Variants in CTNNA2 observed in about 807,000 individuals in gnomAD.
CTNNA2 encodes the protein catenin alpha-2.
Under a neutral mutation model 101.0 loss-of-function variants are expected in CTNNA2, and 42 were observed. That is an observed-to-expected ratio of 0.42 (90% CI 0.32 to 0.54). The LOEUF (loss-of-function observed/expected upper bound fraction) is 0.54, where lower values mean the gene tolerates loss of function less well. CTNNA2 is among the 20% of genes least tolerant of loss of function. The pLI, the probability that CTNNA2 is intolerant of heterozygous loss-of-function variation, is 0.14. For missense variants in CTNNA2, 871 were observed against 1,223.1 expected (o/e 0.71, Z 4.29); for synonymous variants, 450 against 456.4 (o/e 0.99, Z 0.18).
intron 17 of CTNNA2, 32 bp downstream of exon 17, chr2:80,608,350 T>A (rs1488873355): frequency 6.3e-7 from 1 of 1,586,640 alleles, no homozygotes; most frequent in African/African-American, 1.3e-5. Flanking sequence ...CAATGTAAAG[T>A]TCCCACCGTT....
chr2:80,548,715 A>G (rs1052503636), intron 11 of CTNNA2, among the ~76,000 whole-genome samples: 1 of 152,136 alleles, frequency 6.6e-6, no homozygotes, highest in African/African-American at 2.4e-5. Flanking sequence ...ACCTTTCCGC[A>G]GACGGGGTTT....
chr2:79,345,851 C>A (rs1441111878), intron 3 of CTNNA2, among the ~76,000 whole-genome samples: 1 of 144,240 alleles, frequency 6.9e-6, no homozygotes. Flanking sequence ...AGCCATCACG[C>A]CCGGTTGATT....
chr2:80,314,407 A>G (rs1677899448), intron 7 of CTNNA2, among the ~76,000 whole-genome samples: 1 of 152,236 alleles, frequency 6.6e-6, no homozygotes, highest in Non-Finnish European at 1.5e-5. Flanking sequence ...ACAAGAAAGA[A>G]TAGGATGGGG....
intron 2 of CTNNA2, chr2:79,687,575 T>A (rs1684019213): frequency 1.4e-6 from 1 of 707,144 alleles, no homozygotes; most frequent in Non-Finnish European, 2.6e-6. Context: ...GCATTTTTTT[T>A]TCCACCGGAT....
At chr2:79,604,584 C>T (rs1394932200) in intron 1 of CTNNA2, among the ~76,000 whole-genome samples, 1 of 152,144 alleles carries the variant, frequency 6.6e-6, no homozygotes, top group Non-Finnish European at 1.5e-5. Flanking sequence ...TTCAGCAAGT[C>T]CTCCTTTTGT....
intron 2 of CTNNA2, among the ~76,000 whole-genome samples, chr2:79,245,843 C>G (rs1428233464): frequency 6.6e-6 from 1 of 152,182 alleles, no homozygotes; most frequent in African/African-American, 2.4e-5. Flanking sequence ...TCTTGAGACC[C>G]TGTCCCTGTA....
chr2:80,102,006 AT>A (rs886255196), intron 7 of CTNNA2, among the ~76,000 whole-genome samples: 16 of 152,048 alleles, frequency 1.1e-4, no homozygotes, highest in East Asian at 1.9e-4. Context: ...GTTAATTTTA[AT>A]TTTTTTGTGG....
At chr2:79,216,623 G>A (rs558946636) in intron 2 of CTNNA2, among the ~76,000 whole-genome samples, 1 of 151,422 alleles carries the variant, frequency 6.6e-6, no homozygotes, top group African/African-American at 2.4e-5. Flanking sequence ...AGAAGGGGTA[G>A]AGACATGCAG....
At chr2:79,242,755 C>G (rs1180650315) in intron 2 of CTNNA2, among the ~76,000 whole-genome samples, 5 of 151,850 alleles carry the variant, frequency 3.3e-5, no homozygotes. Context: ...ACTGCTTGAG[C>G]CCAGAAGTTT....
chr2:79,566,505 A>G (rs1675123485), intron 1 of CTNNA2, among the ~76,000 whole-genome samples: 1 of 152,286 alleles, frequency 6.6e-6, no homozygotes, highest in South Asian at 2.1e-4. Context: ...AGTCAAATCT[A>G]TTGCATATTG....
intron 7 of CTNNA2, among the ~76,000 whole-genome samples, chr2:79,939,194 C>T (rs1459925657): frequency 6.6e-6 from 1 of 152,124 alleles, no homozygotes; most frequent in Non-Finnish European, 1.5e-5. Flanking sequence ...ATATTCAAGG[C>T]ACAGCACCAA....
intron 2 of CTNNA2, among the ~76,000 whole-genome samples, chr2:79,292,004 G>A (rs1573042911): frequency 1.3e-5 from 2 of 152,082 alleles, no homozygotes; most frequent in East Asian, 3.9e-4. Context: ...GGCTTTTGGG[G>A]GGTAGAGCTC....
At chr2:79,453,937 A>C (rs1328000863) in intron 4 of CTNNA2, among the ~76,000 whole-genome samples, 1 of 152,180 alleles carries the variant, frequency 6.6e-6, no homozygotes, top group Non-Finnish European at 1.5e-5. Context: ...GCTTCTGTAC[A>C]AGATAATAAA....
At chr2:80,206,573 GT>G (rs899983306) in intron 7 of CTNNA2, among the ~76,000 whole-genome samples, 2 of 152,146 alleles carry the variant, frequency 1.3e-5, no homozygotes, top group African/African-American at 4.8e-5. Flanking sequence ...GAGAGAAGAG[GT>G]ATCTACATAT....
chr2:80,222,802 C>T (rs1166727265), intron 7 of CTNNA2, among the ~76,000 whole-genome samples: 11 of 152,150 alleles, frequency 7.2e-5, no homozygotes. Flanking sequence ...CACCAAAGCA[C>T]CTTCTTACAC....
intron 4 of CTNNA2, among the ~76,000 whole-genome samples, chr2:79,430,132 G>A (rs936081930): frequency 1.3e-5 from 2 of 152,168 alleles, no homozygotes; most frequent in South Asian, 4.2e-4. Flanking sequence ...CCAAGCCTGG[G>A]ACATTATTAG....
rs1463441629 is a variant in CTNNA2, at chr2:79,967,365, G to T, written c.1056+57568G>T. On this transcript the variant is annotated intron_variant, in intron 7 of 18. Coordinates refer to ENST00000402739, the MANE Select transcript of CTNNA2 (RefSeq NM_001282597.3). Reference sequence around the variant, plus strand: ...TACCTCACATTCAATGCACCTGCAGGTCCTGTAGTCTTCTCCTTCAAAAGG... The same window carrying T: ...TACCTCACATTCAATGCACCTGCAGTTCCTGTAGTCTTCTCCTTCAAAAGG... Among the ~76,000 whole-genome samples the T allele has an allele frequency of 2.6e-5, 4 of 152,080 alleles. No individual in the cohort carries two copies. The South Asian group carries it at 8.3e-4, about 32-fold the overall frequency.
At chr2:80,605,270 T>G (rs1024315677) in intron 16 of CTNNA2, 3 of 152,016 alleles carry the variant, frequency 2.0e-5, no homozygotes, top group Non-Finnish European at 4.4e-5. Context: ...TAAGAGTGCT[T>G]TAGGTAGTAG....
chr2:79,943,224 G>A (rs1558661647), intron 7 of CTNNA2, among the ~76,000 whole-genome samples: 1 of 151,876 alleles, frequency 6.6e-6, no homozygotes, highest in Non-Finnish European at 1.5e-5. Flanking sequence ...TGGGGCAGGG[G>A]GAAGTCATTC....
Sources: gnomAD v4.1 joint callset for allele counts (sites outside exome capture counted in the v4.1 genomes callset) on GRCh38, gnomAD v4.1.1 for gene constraint, MANE v1.5 for transcripts, NCBI Gene and HGNC (gene_info 2026-07-23, HGNC 2026-07-21) for gene names.